The following PDE11A variants were observed in gnomAD, a reference collection of about 807,000 sequenced individuals.
PDE11A encodes phosphodiesterase 11A, also known as dual 3',5'-cyclic-AMP and -GMP phosphodiesterase 11A.
PDE11A carries 100 observed loss-of-function variants against 100.5 expected under a neutral mutation model. That is an observed-to-expected ratio of 1.00 (90% confidence interval 0.85 to 1.18). The LOEUF (loss-of-function observed/expected upper bound fraction) is 1.18, where lower values mean the gene tolerates loss of function less well. PDE11A is among the 50% of genes most tolerant of loss of function. The pLI, the probability that PDE11A is intolerant of heterozygous loss-of-function variation, is 0.00. For missense variants in PDE11A, 1,141 were observed against 1,152.6 expected, an observed-to-expected ratio of 0.99 and a Z score of 0.15; for synonymous variants, 381 against 420.8, an observed-to-expected ratio of 0.91 and a Z score of 1.16.
At chr2:177,696,079 G>A (rs752167376) in intron 15 of PDE11A, among the ~76,000 whole-genome samples, 36 of 152,262 alleles carry the variant, frequency 2.4e-4, no homozygotes, top group Non-Finnish European at 3.8e-4. Flanking sequence ...ATCATGTAGG[G>A]GAGAAGTGGA....
intron 19 of PDE11A, among the ~76,000 whole-genome samples, chr2:177,656,452 A>C (rs2080385788): frequency 6.6e-6 from 1 of 151,574 alleles, no homozygotes; most frequent in Non-Finnish European, 1.5e-5. Flanking sequence ...TCAAAGATGC[A>C]TTTCTCAGAA....
At chr2:177,987,701 T>C (rs2085956583) in intron 2 of PDE11A, among the ~76,000 whole-genome samples, 1 of 152,238 alleles carries the variant, frequency 6.6e-6, no homozygotes, top group African/African-American at 2.4e-5. Flanking sequence ...CATTAAAAAT[T>C]GGGGTCAACT....
intron 19 of PDE11A, among the ~76,000 whole-genome samples, chr2:177,637,609 A>G (rs2080060346): frequency 6.6e-6 from 1 of 150,870 alleles, no homozygotes; most frequent in South Asian, 2.1e-4. Flanking sequence ...TCTCATGTGC[A>G]TTGCTGTAGT....
intron 2 of PDE11A, among the ~76,000 whole-genome samples, chr2:178,011,021 A>C (rs186238781): frequency 2.6e-5 from 4 of 152,344 alleles, no homozygotes; most frequent in Middle Eastern, 3.4e-3. Context: ...CCATGCTATA[A>C]CAAGGAAGAC....
At chr2:177,738,439 G>T (rs1306121553) in intron 10 of PDE11A, among the ~76,000 whole-genome samples, 1 of 152,182 alleles carries the variant, frequency 6.6e-6, no homozygotes, top group Non-Finnish European at 1.5e-5. Flanking sequence ...TTAAGCTTGT[G>T]TTGACTACAT....
chr2:178,017,442 C>T (rs1263617340), intron 1 of PDE11A, among the ~76,000 whole-genome samples: 1 of 152,142 alleles, frequency 6.6e-6, no homozygotes, highest in African/African-American at 2.4e-5. Context: ...GTGAAACAAA[C>T]AAGCAGCAGT....
intron 2 of PDE11A, among the ~76,000 whole-genome samples, chr2:177,912,773 C>G (rs2084901138): frequency 6.6e-6 from 1 of 152,180 alleles, no homozygotes; most frequent in South Asian, 2.1e-4. Flanking sequence ...TTTCTTCTCT[C>G]TTTTTCCTTT....
At chr2:178,052,034 C>T (rs1409494108) in intron 1 of PDE11A, among the ~76,000 whole-genome samples, 1 of 152,126 alleles carries the variant, frequency 6.6e-6, no homozygotes, top group Non-Finnish European at 1.5e-5. Flanking sequence ...CTACAGAACT[C>T]TCCACCGCAA....
intron 19 of PDE11A, among the ~76,000 whole-genome samples, chr2:177,658,395 TAAG>T (rs1204157669): frequency 1.3e-5 from 2 of 151,998 alleles, no homozygotes; most frequent in African/African-American, 4.8e-5. Context: ...ATAGAGAAAA[TAAG>T]AAGTTGTTTT....
In PDE11A at chr2:177,629,337, G is replaced by T; in HGVS notation, c.*70C>A. 7.5e-7 allele frequency: 1 copy of T among 1,328,454 alleles called. No individual in the cohort carries two copies. Among genetic ancestry groups the T allele is most frequent in the Non-Finnish European group, 1.1e-6 (1 of 920,404 alleles). 82.3% of individuals were successfully genotyped at this position (1,328,454 alleles called of 1,614,324 possible). Reference sequence around the variant, plus strand: ...TCTTTCTGAGCTAAAAGAACAAAAGGATGACATTGCTGGACTGAAAATGGC... The same window carrying T: ...TCTTTCTGAGCTAAAAGAACAAAAGTATGACATTGCTGGACTGAAAATGGC... On this transcript the variant is annotated 3_prime_UTR_variant, in exon 20 of 20. Coordinates refer to ENST00000286063, the MANE Select transcript of PDE11A (RefSeq NM_016953.4).
chr2:177,797,900 A>T (rs969673763), intron 9 of PDE11A, among the ~76,000 whole-genome samples: 6 of 152,232 alleles, frequency 3.9e-5, no homozygotes, highest in African/African-American at 1.4e-4. Context: ...TAAAATGTCA[A>T]ACTAATCATG....
At chr2:178,020,936 T>G (rs1220004342) in intron 1 of PDE11A, among the ~76,000 whole-genome samples, 1 of 118,622 alleles carries the variant, frequency 8.4e-6, no homozygotes, top group Admixed American at 8.0e-5. Context: ...TGTGTGTGTG[T>G]GTGTGTGTGT....
At chr2:177,689,709 C>T (rs1403010006) in intron 15 of PDE11A, among the ~76,000 whole-genome samples, 1 of 152,206 alleles carries the variant, frequency 6.6e-6, no homozygotes, top group Non-Finnish European at 1.5e-5. Context: ...TGCCAAGAAC[C>T]TGAGTGAATG....
chr2:177,787,507 C>A (rs1240126938), intron 9 of PDE11A, among the ~76,000 whole-genome samples: 8 of 151,780 alleles, frequency 5.3e-5, no homozygotes, highest in African/African-American at 1.7e-4. Flanking sequence ...CAGCTAACAT[C>A]ATAATGACAG....
intron 9 of PDE11A, among the ~76,000 whole-genome samples, chr2:177,814,806 G>A (rs546444784): frequency 6.6e-6 from 1 of 152,282 alleles, no homozygotes; most frequent in South Asian, 2.1e-4. Context: ...GGGTATATGA[G>A]CATTTTCTAG....
chr2:177,800,161 C>CAATTAAATCCT (rs760581072), intron 9 of PDE11A, among the ~76,000 whole-genome samples: 3 of 144,006 alleles, frequency 2.1e-5, no homozygotes, highest in Non-Finnish European at 4.5e-5. Flanking sequence ...ATAATCCTAA[C>CAATTAAATCCT]AGTCTAATTA....
chr2:177,776,275 T>A (rs186789565), intron 9 of PDE11A, among the ~76,000 whole-genome samples: 12 of 152,292 alleles, frequency 7.9e-5, no homozygotes, highest in South Asian at 2.1e-4. Flanking sequence ...AATTGATTTA[T>A]GGTTTATCTG....
At chr2:177,763,529 C>G (rs898184504) in intron 10 of PDE11A, among the ~76,000 whole-genome samples, 1 of 152,200 alleles carries the variant, frequency 6.6e-6, no homozygotes, top group Non-Finnish European at 1.5e-5. Flanking sequence ...CCTGCTTTAT[C>G]CCCGGCTGTG....
chr2:177,715,940 C>T (rs948268278), intron 12 of PDE11A, among the ~76,000 whole-genome samples: 4 of 152,144 alleles, frequency 2.6e-5, no homozygotes, highest in Admixed American at 6.5e-5. Flanking sequence ...TGTCTTATCA[C>T]GGGGTGACTG....
Sources: allele counts gnomAD v4.1 joint callset (sites outside exome capture counted in the v4.1 genomes callset), GRCh38; gene constraint gnomAD v4.1.1; transcripts MANE v1.5; gene names NCBI Gene and HGNC (gene_info 2026-07-23, HGNC 2026-07-21).